The following COL23A1 variants were observed in gnomAD, a reference collection of about 807,000 sequenced individuals.
COL23A1 encodes the protein collagen alpha-1(XXIII) chain.
In COL23A1, 97 loss-of-function variants were observed where a neutral mutation model predicts 99.3. That is an observed-to-expected ratio of 0.98 (90% CI 0.83 to 1.16). COL23A1 has a LOEUF of 1.16. COL23A1 is among the 50% of genes most tolerant of loss of function. The pLI, the probability that COL23A1 is intolerant of heterozygous loss-of-function variation, is 0.00. For missense variants in COL23A1, 762 were observed against 757.4 expected (o/e 1.01, Z -0.07); for synonymous variants, 320 against 308.2 (o/e 1.04, Z -0.40).
In COL23A1 at chr5:178,307,632, G is replaced by A. The variant is rs377502810; in HGVS notation, c.362-713C>T. Among the ~76,000 whole-genome samples the A allele has an allele frequency of 5.3e-5, 8 of 152,314 alleles. No homozygotes were observed. In the East Asian group the frequency reaches 1.2e-3, roughly 22 times the overall value. On this transcript the variant is annotated intron_variant, in intron 2 of 28. Coordinates refer to ENST00000390654, the MANE Select transcript of COL23A1 (RefSeq NM_173465.4). The surrounding 1 kb of genome is among the most constrained non-coding windows in gnomAD (Gnocchi z 4.2). ...ACCCTGAGACCAGAGTAACCTCAGC[G>A]CTGAAGGAGACGCTTTGACTCTGGC... is the stretch of plus-strand genomic sequence containing the variant.
At chr5:178,506,938 C>T (rs1267623915) in intron 2 of COL23A1, among the ~76,000 whole-genome samples, 3 of 152,128 alleles carry the variant, frequency 2.0e-5, no homozygotes, top group Admixed American at 2.0e-4. Flanking sequence ...ATTTTGTATA[C>T]AGGACCGTTT....
chr5:178,249,328 C>T (rs998950062), intron 18 of COL23A1, 122 bp from the exon 19 acceptor site: 4 of 928,924 alleles, frequency 4.3e-6, no homozygotes, highest in Non-Finnish European at 5.2e-6. Context: ...GTCCCCACCT[C>T]CAGCCACAGT....
intron 2 of COL23A1, among the ~76,000 whole-genome samples, chr5:178,523,181 CATATATAT>C (rs375162340): frequency 1.5e-4 from 14 of 90,436 alleles, no homozygotes; most frequent in African/African-American, 5.4e-4. Context: ...TATATATACA[CATATATAT>C]ATATATATAT....
At chr5:178,578,079 G>GCACA (rs1004513088) in intron 1 of COL23A1, among the ~76,000 whole-genome samples, 1 of 150,874 alleles carries the variant, frequency 6.6e-6, no homozygotes, top group African/African-American at 2.5e-5. Flanking sequence ...ACACACTCAT[G>GCACA]CACACACACA....
At chr5:178,532,512 T>TGA (rs1391496991) in intron 2 of COL23A1, among the ~76,000 whole-genome samples, 1 of 152,092 alleles carries the variant, frequency 6.6e-6, no homozygotes, top group Non-Finnish European at 1.5e-5. Flanking sequence ...ACCTGGCACT[T>TGA]CACTCGAGTC....
At chr5:178,378,677 G>A (rs1019826306) in intron 2 of COL23A1, among the ~76,000 whole-genome samples, 1 of 152,212 alleles carries the variant, frequency 6.6e-6, no homozygotes. Context: ...GGATACGCAG[G>A]GATGGAGCAG....
intron 2 of COL23A1, among the ~76,000 whole-genome samples, chr5:178,409,168 C>T (rs982345519): frequency 6.6e-6 from 1 of 151,974 alleles, no homozygotes; most frequent in African/African-American, 2.4e-5. Flanking sequence ...ACCAAAATAT[C>T]CAACAATAAG....
At chr5:178,491,408 T>C (rs1201212290) in intron 2 of COL23A1, among the ~76,000 whole-genome samples, 1 of 152,110 alleles carries the variant, frequency 6.6e-6, no homozygotes, top group East Asian at 1.9e-4. Context: ...TAGCCTTGAC[T>C]TGGTGGCAGT....
chr5:178,279,017 A>G (rs922900961), intron 5 of COL23A1, among the ~76,000 whole-genome samples: 18 of 152,126 alleles, frequency 1.2e-4, no homozygotes, highest in African/African-American at 4.3e-4. Flanking sequence ...CAGAAGCCTC[A>G]TCATCCCCAT....
At position 178,366,315 on chromosome 5, in the gene COL23A1, G is replaced by A. The variant is rs908283592; in HGVS notation, c.362-59396C>T. The stretch of plus-strand genomic sequence containing the variant: ...GTTCCCTCTGCACCCCACGATGGGC[G>A]CTGCGTCCTCCATCCTCTGGTGCAC... On this transcript the variant is annotated intron_variant, in intron 2 of 28. Coordinates refer to ENST00000390654, the MANE Select transcript of COL23A1 (RefSeq NM_173465.4). This position sits in a 1 kb window ranked among gnomAD's most constrained non-coding sequence, Gnocchi z 4.4. Among the ~76,000 whole-genome samples the A allele has an allele frequency of 2.0e-5, 3 of 152,208 alleles. No individual in the cohort carries two copies. The highest frequency in any genetic ancestry group is 4.4e-5 in the Non-Finnish European group (3 of 68,042).
At chr5:178,363,316 G>GC (rs1291778714) in intron 2 of COL23A1, among the ~76,000 whole-genome samples, 1 of 151,972 alleles carries the variant, frequency 6.6e-6, no homozygotes, top group African/African-American at 2.4e-5. Context: ...TATACATTTT[G>GC]CATCTCCAAG....
At position 178,468,189 on chromosome 5, in the gene COL23A1, A is replaced by ACCCACCCAGAC. The variant is rs6149372; in HGVS notation, c.361+92482_361+92492dup. On this transcript the variant is annotated intron_variant, in intron 2 of 28. Transcript: ENST00000390654. The surrounding 1 kb of genome is among the most constrained non-coding windows in gnomAD (Gnocchi z 4.2). ...TTGTGTGTTCACGGAGGATGAACAC[A>ACCCACCCAGAC]CCCACCCAGACCCCACCCAGACCCC... 2.0e-5 allele frequency among the ~76,000 whole-genome samples: 3 copies of ACCCACCCAGAC among 149,716 alleles called. No individual in the cohort carries two copies. The highest frequency in any genetic ancestry group is 6.6e-5 in the Admixed American group (1 of 15,110).
chr5:178,490,238 A>T (rs1396469989), intron 2 of COL23A1, among the ~76,000 whole-genome samples: 1 of 152,132 alleles, frequency 6.6e-6, no homozygotes, highest in African/African-American at 2.4e-5. Flanking sequence ...AAAAAAACAA[A>T]AAACAAAAAA....
At chr5:178,253,467 A>G (rs946563589) in intron 16 of COL23A1, among the ~76,000 whole-genome samples, 14 of 151,612 alleles carry the variant, frequency 9.2e-5, no homozygotes, top group African/African-American at 3.1e-4. Context: ...CCTTCCCCCA[A>G]TATGTTTTTA....
chr5:178,557,244 A>C (rs1307732496), intron 2 of COL23A1, among the ~76,000 whole-genome samples: 1 of 152,208 alleles, frequency 6.6e-6, no homozygotes, highest in Non-Finnish European at 1.5e-5. Flanking sequence ...GCCTCATTTA[A>C]GGACAATTGG....
chr5:178,351,615 A>C (rs779814445), intron 2 of COL23A1, among the ~76,000 whole-genome samples: 1 of 152,288 alleles, frequency 6.6e-6, no homozygotes, highest in Non-Finnish European at 1.5e-5. Context: ...ACGAGGTAGC[A>C]GCGCAGGCCG....
intron 2 of COL23A1, among the ~76,000 whole-genome samples, chr5:178,311,925 T>C (rs985979271): frequency 2.6e-5 from 4 of 151,940 alleles, no homozygotes; most frequent in Non-Finnish European, 5.9e-5. Context: ...GAGACCGAGT[T>C]TCACCATGTT....
intron 2 of COL23A1, among the ~76,000 whole-genome samples, chr5:178,379,679 C>A (rs1056232205): frequency 6.6e-6 from 1 of 152,048 alleles, no homozygotes; most frequent in African/African-American, 2.4e-5. Flanking sequence ...GTCGGGAGTT[C>A]GAGACCAGCC....
At position 178,346,137 on chromosome 5, in the gene COL23A1, TA is replaced by T. The variant is rs111319018; in HGVS notation, c.362-39219del. On this transcript the variant is annotated intron_variant, in intron 2 of 28. Coordinates refer to ENST00000390654, the MANE Select transcript of COL23A1 (RefSeq NM_173465.4). The stretch of plus-strand genomic sequence containing the variant: ...TCTTTTGGAATTAAAGTAGATTTGT[TA>T]AAAAAAAATCGCTGTAAATTGTCAG... Among the ~76,000 whole-genome samples the T allele has an allele frequency of 1.3e-3, 196 of 151,692 alleles. 1 individual carries two copies. Among genetic ancestry groups the T allele is most frequent in the East Asian group, 7.7e-3 (40 of 5,182 alleles).
Sources: gnomAD v4.1 joint callset for allele counts (sites outside exome capture counted in the v4.1 genomes callset) on GRCh38, gnomAD v4.1.1 for gene constraint, Gnocchi (gnomAD v3.1) non-coding constraint, MANE v1.5 for transcripts, NCBI Gene and HGNC (gene_info 2026-07-23, HGNC 2026-07-21) for gene names.